The following MYO1E variants were observed in gnomAD, a reference collection of about 807,000 sequenced individuals.
The protein encoded by MYO1E is myosin IE.
In MYO1E, 68 loss-of-function variants were observed where a neutral mutation model predicts 151.1. The ratio of observed to expected loss-of-function variants is 0.45; its 90% CI spans 0.37 to 0.55. MYO1E has a LOEUF of 0.55. Among genes scored for constraint, MYO1E ranks in the 20% least tolerant of loss-of-function variants. MYO1E has a pLI of 0.00. For missense variants in MYO1E, 1,363 were observed against 1,389.3 expected, an observed-to-expected ratio of 0.98 and a Z score of 0.30; for synonymous variants, 601 against 501.7, an observed-to-expected ratio of 1.20 and a Z score of -2.64.
intron 1 of MYO1E, among the ~76,000 whole-genome samples, chr15:59,312,164 C>T (rs116553631): frequency 3.4e-3 from 519 of 152,286 alleles, no homozygotes; most frequent in Middle Eastern, 0.02. Context: ...TTCAAGAACA[C>T]ACATAAGAGC....
chr15:59,181,737 G>A (rs889049865), intron 18 of MYO1E, among the ~76,000 whole-genome samples: 1 of 152,354 alleles, frequency 6.6e-6, no homozygotes, highest in Admixed American at 6.5e-5. Flanking sequence ...CCATGGCTCT[G>A]TTTAGGCCTG....
In MYO1E at chr15:59,208,026, G is replaced by A. The variant is rs1481299879; in HGVS notation, c.1530+655C>T. Reference sequence around the variant, plus strand: ...AGATAAAGCTGACCCCTGAAGAAGAGGCCCATCTGAAAAAAAGTGCAAAAA... The same window carrying A: ...AGATAAAGCTGACCCCTGAAGAAGAAGCCCATCTGAAAAAAAGTGCAAAAA... On this transcript the variant is annotated intron_variant, in intron 14 of 27. Transcript: ENST00000288235. 3 of 1,592,904 alleles carry A rather than the reference G, an allele frequency of 1.9e-6. No homozygotes were observed. In the East Asian group the frequency reaches 6.7e-5, roughly 36 times the overall value.
At chr15:59,331,972 G>T (rs2080700879) in intron 1 of MYO1E, among the ~76,000 whole-genome samples, 1 of 152,202 alleles carries the variant, frequency 6.6e-6, no homozygotes, top group Non-Finnish European at 1.5e-5. Flanking sequence ...GTAACGTGAG[G>T]CTACTACAAG....
intron 4 of MYO1E, among the ~76,000 whole-genome samples, chr15:59,244,683 A>G (rs1320440547): frequency 6.6e-6 from 1 of 152,200 alleles, no homozygotes; most frequent in Non-Finnish European, 1.5e-5. Context: ...TGGGAGCACA[A>G]CTTTGTCACA....
intron 1 of MYO1E, among the ~76,000 whole-genome samples, chr15:59,312,178 T>C (rs192419359): frequency 2.7e-4 from 41 of 152,314 alleles, no homozygotes; most frequent in Admixed American, 7.2e-4. Context: ...TAAGAGCATC[T>C]AAGGGATGAT....
chr15:59,208,874 C>G, intron 13 of MYO1E, 26 bp from the exon 14 acceptor site: 2 of 1,613,592 alleles, frequency 1.2e-6, no homozygotes, highest in Non-Finnish European at 1.7e-6. Flanking sequence ...AGGCAAGGCC[C>G]TAGTCACTGA....
chr15:59,361,517 C>A (rs768825451), intron 1 of MYO1E, among the ~76,000 whole-genome samples: 10 of 152,102 alleles, frequency 6.6e-5, no homozygotes. Context: ...CATTTCAAGA[C>A]AATGTTAGTT....
At chr15:59,355,791 C>T (rs372202480) in intron 1 of MYO1E, among the ~76,000 whole-genome samples, 3 of 152,082 alleles carry the variant, frequency 2.0e-5, no homozygotes, top group Non-Finnish European at 4.4e-5. Context: ...TCAGGGCTCA[C>T]GGCAGCCTCA....
At chr15:59,304,880 C>G (rs1232700353) in intron 1 of MYO1E, among the ~76,000 whole-genome samples, 1 of 152,216 alleles carries the variant, frequency 6.6e-6, no homozygotes, top group African/African-American at 2.4e-5. Context: ...ATGGGTCCTA[C>G]AGGAAACTTT....
chr15:59,177,553 G>T (rs549190438), intron 19 of MYO1E, among the ~76,000 whole-genome samples: 36 of 152,306 alleles, frequency 2.4e-4, no homozygotes, highest in South Asian at 2.3e-3. Context: ...GGTTAAGGGA[G>T]CCTTGAGAAA....
chr15:59,215,522 C>T (rs765470521), intron 10 of MYO1E, among the ~76,000 whole-genome samples: 7 of 151,956 alleles, frequency 4.6e-5, no homozygotes, highest in Admixed American at 1.3e-4. Flanking sequence ...GATGTAATGA[C>T]AGCAAGGGAG....
chr15:59,338,788 C>T (rs1199536105), intron 1 of MYO1E, among the ~76,000 whole-genome samples: 1 of 152,196 alleles, frequency 6.6e-6, no homozygotes, highest in African/African-American at 2.4e-5. Context: ...CTACAAAGGT[C>T]TATCAACATC....
chr15:59,305,131 A>G (rs754441873), intron 1 of MYO1E, among the ~76,000 whole-genome samples: 1 of 152,162 alleles, frequency 6.6e-6, no homozygotes, highest in Non-Finnish European at 1.5e-5. Context: ...TTCTCAAACA[A>G]CTGCCTCTAA....
At chr15:59,302,263 T>C (rs1487326554) in intron 1 of MYO1E, among the ~76,000 whole-genome samples, 6 of 152,194 alleles carry the variant, frequency 3.9e-5, no homozygotes, top group African/African-American at 1.4e-4. Flanking sequence ...ACGAAGGCAC[T>C]GTCCTAAATG....
intron 26 of MYO1E, among the ~76,000 whole-genome samples, chr15:59,142,574 G>A (rs558335847): frequency 3.3e-5 from 5 of 152,238 alleles, no homozygotes; most frequent in African/African-American, 1.2e-4. Context: ...TAGCTCAGCT[G>A]TTATTAGTTC....
Position 59,205,404 on chromosome 15 carries a change from C to T in MYO1E, c.1612G>A (p.Glu538Lys), listed in dbSNP as rs761872811. Residue 538 changes from glutamate (E) to lysine (K), a missense_variant, in exon 15 of 28, where the codon GAG (glutamate) becomes AAG (lysine). Physicochemically the swap from Glu to Lys is moderately conservative, Grantham distance 56. Coordinates refer to ENST00000288235, the MANE Select transcript of MYO1E (RefSeq NM_004998.4). ...GCTATGGCAAAACATACTTACAGCT[C>T]GCTGCTCTGCATAAGCTCGATGAGA... ...MDLIELMQSS[E>K]LPFIKSLFPE... The T allele has an allele frequency of 2.0e-5, 32 of 1,613,864 alleles. No individual in the cohort carries two copies. The highest frequency in any genetic ancestry group is 2.5e-5 in the Non-Finnish European group (30 of 1,179,940).
chr15:59,276,968 C>A (rs2140385725), intron 1 of MYO1E, among the ~76,000 whole-genome samples: 1 of 152,326 alleles, frequency 6.6e-6, no homozygotes, highest in South Asian at 2.1e-4. Flanking sequence ...CCAGGGAGCA[C>A]TGTTCTTTGA....
intron 1 of MYO1E, among the ~76,000 whole-genome samples, chr15:59,296,599 C>A (rs2140400478): frequency 6.6e-6 from 1 of 152,246 alleles, no homozygotes; most frequent in East Asian, 1.9e-4. Context: ...TCTCTGCAGG[C>A]ACTGTCCACA....
intron 26 of MYO1E, among the ~76,000 whole-genome samples, chr15:59,142,374 C>G (rs770744619): frequency 6.6e-6 from 1 of 152,150 alleles, no homozygotes; most frequent in African/African-American, 2.4e-5. Flanking sequence ...GGACTCCCCT[C>G]GCCAGGGTCG....
Sources: gnomAD v4.1 joint callset for allele counts (sites outside exome capture counted in the v4.1 genomes callset) on GRCh38, gnomAD v4.1.1 for gene constraint, MANE v1.5 for transcripts, NCBI Gene and HGNC (gene_info 2026-07-23, HGNC 2026-07-21) for gene names.